Variants in ST8SIA1 observed in about 807,000 individuals in gnomAD.
ST8SIA1 encodes alpha-N-acetylneuraminide alpha-2,8-sialyltransferase.
ST8SIA1 carries 16 observed loss-of-function variants against 35.9 expected under a neutral mutation model. The observed-to-expected ratio is 0.45, with a 90% CI of 0.30 to 0.68. The LOEUF (loss-of-function observed/expected upper bound fraction) is 0.68. ST8SIA1 is among the 30% of genes least tolerant of loss of function. The pLI, the probability that ST8SIA1 is intolerant of heterozygous loss-of-function variation, is 0.09. For synonymous variants in ST8SIA1, 170 were observed against 169.6 expected (o/e 1.00, Z -0.02); for missense variants, 383 against 453.6 (o/e 0.84, Z 1.41).
At chr12:22,225,371 G>C (rs930058744) in intron 4 of ST8SIA1, among the ~76,000 whole-genome samples, 3 of 152,006 alleles carry the variant, frequency 2.0e-5, no homozygotes, top group African/African-American at 7.3e-5. Flanking sequence ...GATCCTACTA[G>C]TAGCTGGATC....
At chr12:22,235,050 C>T (rs1237725776) in intron 4 of ST8SIA1, among the ~76,000 whole-genome samples, 3 of 152,052 alleles carry the variant, frequency 2.0e-5, no homozygotes, top group African/African-American at 7.2e-5. Context: ...TGTGTGAGCG[C>T]ATGTATTGTG....
In ST8SIA1 at chr12:22,334,260, G is replaced by A. The variant is rs764999243; in HGVS notation, c.-28C>T. The A allele has an allele frequency of 6.2e-5, 99 of 1,585,932 alleles. No homozygotes were observed. The highest frequency in any genetic ancestry group is 1.4e-4 in the Admixed American group (8 of 59,032). On this transcript the variant is annotated 5_prime_UTR_variant, in exon 1 of 5. Transcript: ENST00000396037. ...CAGCCCCGGCGTCCCAGGGGCGGGG[G>A]CCGGGGCCTCAGCACAAAGCTAGGC... is the stretch of plus-strand genomic sequence containing the variant.
intron 2 of ST8SIA1, among the ~76,000 whole-genome samples, chr12:22,271,173 C>G (rs566094624): frequency 2.6e-5 from 4 of 152,196 alleles, no homozygotes; most frequent in African/African-American, 9.6e-5. Context: ...CATTAACTGA[C>G]TCAGTAAGAA....
chr12:22,197,144 T>C lies in ST8SIA1; in HGVS notation c.*4408A>G, dbSNP rs1864998608. 1 of 152,152 alleles carries C rather than the reference T, an allele frequency of 6.6e-6. No individual in the cohort carries two copies. Among genetic ancestry groups the C allele is most frequent in the Non-Finnish European group, 1.5e-5 (1 of 68,036 alleles). The allele number at this position is 152,152 out of a possible 1,614,324, so 9.4% of individuals were successfully genotyped here. A position where few individuals can be genotyped will look rare whatever the true frequency, so the allele number is the denominator to read the frequency against. On this transcript the variant is annotated 3_prime_UTR_variant, in exon 5 of 5. Transcript: ENST00000396037. ...AAATTGTTAACCCACTTCTACCACT[T>C]CCACCCCTGACGTGTGCCCAATAAA...
At chr12:22,298,736 G>A (rs1866279022) in intron 1 of ST8SIA1, among the ~76,000 whole-genome samples, 1 of 152,174 alleles carries the variant, frequency 6.6e-6, no homozygotes, top group Non-Finnish European at 1.5e-5. Flanking sequence ...CAGTCAGGCA[G>A]GCACTGCCAC....
At chr12:22,272,873 C>T (rs1400975370) in intron 2 of ST8SIA1, among the ~76,000 whole-genome samples, 1 of 152,230 alleles carries the variant, frequency 6.6e-6, no homozygotes. Flanking sequence ...ACTGAGCTGA[C>T]ATCTCTGACT....
intron 4 of ST8SIA1, among the ~76,000 whole-genome samples, chr12:22,214,394 T>C (rs1265345180): frequency 6.6e-6 from 1 of 152,034 alleles, no homozygotes; most frequent in African/African-American, 2.4e-5. Context: ...TAGAAATCAG[T>C]CTAGATCATG....
At chr12:22,235,998 AAG>A (rs1171654371) in intron 4 of ST8SIA1, among the ~76,000 whole-genome samples, 1 of 152,194 alleles carries the variant, frequency 6.6e-6, no homozygotes, top group Non-Finnish European at 1.5e-5. Context: ...CATAGAACTT[AAG>A]AGAGAATTAA....
At chr12:22,291,433 G>A (rs1404960773) in intron 1 of ST8SIA1, among the ~76,000 whole-genome samples, 2 of 152,178 alleles carry the variant, frequency 1.3e-5, no homozygotes, top group Non-Finnish European at 2.9e-5. Context: ...TCAGTATCTG[G>A]CCAAAATCTA....
rs138268667 is a variant in ST8SIA1, at chr12:22,244,646, C to T, written c.584+4360G>A. On this transcript the variant is annotated intron_variant, in intron 4 of 4. Transcript: ENST00000396037. ...TAACTTTTGTATTTTTTGGTAGAGA[C>T]GAGGTTTTGCCATGTTGTCCGGACT... 5.7e-4 allele frequency among the ~76,000 whole-genome samples: 86 copies of T among 152,026 alleles called. 1 individual carries two copies. In the East Asian group the frequency reaches 0.015, roughly 26 times the overall value.
chr12:22,201,693 G>A lies in ST8SIA1; in HGVS notation c.930C>T (p.His310=). 1.2e-6 allele frequency: 2 copies of A among 1,614,154 alleles called. No individual in the cohort carries two copies. Among genetic ancestry groups the A allele is most frequent in the Non-Finnish European group, 1.7e-6 (2 of 1,179,996 alleles). ...VNMHEQPISH[H]YYDNVLPFSG... is the part of the protein sequence containing the mutation. Reference sequence around the variant, plus strand: ...AAAAGGGTAAGACGTTGTCATAGTAGTGGTGGCTGATGGGCTGCTCATGCA... The same window carrying A: ...AAAAGGGTAAGACGTTGTCATAGTAATGGTGGCTGATGGGCTGCTCATGCA... Residue 310 remains histidine, a synonymous_variant, in exon 5 of 5, where the codon CAC becomes CAT. Coordinates refer to ENST00000396037, the MANE Select transcript of ST8SIA1 (RefSeq NM_003034.4).
chr12:22,255,341 C>A lies in ST8SIA1; in HGVS notation c.430G>T (p.Gly144Cys). ...CAGCCACTCTTCTTCAGAATCCCAC[C>A]ATTTCCCACCACCGCGCATTTCTTC... Reference protein sequence around the residue: ...PLKKCAVVGNGGILKKSGCGR... With the variant: ...PLKKCAVVGNCGILKKSGCGR... The change falls in exon 3 of 5, where the codon GGT (glycine) becomes TGT (cysteine). Residue 144 changes from glycine to cysteine, a missense_variant. Gly to Cys is a radical substitution (Grantham distance 159, BLOSUM62 -3). Transcript: ENST00000396037. The A allele has an allele frequency of 6.2e-7, 1 of 1,614,190 alleles. No individual in the cohort carries two copies. Among genetic ancestry groups the A allele is most frequent in the Non-Finnish European group, 8.5e-7 (1 of 1,180,020 alleles).
intron 1 of ST8SIA1, among the ~76,000 whole-genome samples, chr12:22,291,709 T>G (rs1022034454): frequency 3.3e-5 from 5 of 152,232 alleles, no homozygotes; most frequent in African/African-American, 1.2e-4. Flanking sequence ...AATCTCTTTA[T>G]GTGCTTTCTA....
At chr12:22,244,779 A>G (rs1239714807) in intron 4 of ST8SIA1, among the ~76,000 whole-genome samples, 2 of 152,220 alleles carry the variant, frequency 1.3e-5, no homozygotes, top group Non-Finnish European at 2.9e-5. Context: ...TAACCACCTG[A>G]AAATAATTTT....
chr12:22,228,560 A>T (rs1865382505), intron 4 of ST8SIA1, among the ~76,000 whole-genome samples: 2 of 152,232 alleles, frequency 1.3e-5, no homozygotes, highest in South Asian at 4.1e-4. Flanking sequence ...TACTGAGAAT[A>T]AAAAGATAAA....
chr12:22,308,518 CTAAAT>C (rs1275430789), intron 1 of ST8SIA1, among the ~76,000 whole-genome samples: 3 of 152,118 alleles, frequency 2.0e-5, no homozygotes, highest in African/African-American at 7.2e-5. Flanking sequence ...TATTTCTCAA[CTAAAT>C]TAAAGAAAAA....
intron 2 of ST8SIA1, among the ~76,000 whole-genome samples, chr12:22,282,578 T>C (rs1866050328): frequency 1.3e-5 from 2 of 152,112 alleles, no homozygotes; most frequent in South Asian, 2.1e-4. Context: ...GCTAAGGAGG[T>C]TTGAGTAGGA....
intron 1 of ST8SIA1, among the ~76,000 whole-genome samples, chr12:22,306,466 T>G (rs1171128769): frequency 6.6e-6 from 1 of 152,194 alleles, no homozygotes; most frequent in African/African-American, 2.4e-5. Flanking sequence ...TTGAAACCAC[T>G]TCCTAGTTTG....
intron 1 of ST8SIA1, among the ~76,000 whole-genome samples, chr12:22,310,101 T>C (rs1866431625): frequency 6.6e-6 from 1 of 152,082 alleles, no homozygotes. Context: ...CAAATACAAC[T>C]CTCTGGTCTT....
Sources: gnomAD v4.1 joint callset for allele counts (sites outside exome capture counted in the v4.1 genomes callset) on GRCh38, gnomAD v4.1.1 for gene constraint, MANE v1.5 for transcripts, NCBI Gene and HGNC (gene_info 2026-07-23, HGNC 2026-07-21) for gene names.